The following CFAP91 variants were observed in gnomAD, a reference collection of about 807,000 sequenced individuals.
The protein encoded by CFAP91 is cilia- and flagella-associated protein 91.
Under a neutral mutation model 95.9 loss-of-function variants are expected in CFAP91, and 85 were observed. That is an observed-to-expected ratio of 0.89 (90% CI 0.74 to 1.06). The LOEUF is 1.06. Among genes scored for constraint, CFAP91 ranks in the 50% least tolerant of loss-of-function variants. The probability of loss-of-function intolerance (pLI) is 0.00; values close to 1 mark genes in which losing one functional copy is unlikely to be tolerated. For missense variants in CFAP91, 962 were observed against 943.4 expected (o/e 1.02, Z -0.26); for synonymous variants, 335 against 327.5 (o/e 1.02, Z -0.25).
intron 16 of CFAP91, chr3:119,750,499 T>C (rs1334217709): frequency 5.8e-6 from 1 of 173,454 alleles, no homozygotes; most frequent in African/African-American, 2.4e-5. Flanking sequence ...GAACTAAGGC[T>C]CAAAGAGAAG....
chr3:119,709,773 G>A (rs2053440594), intron 4 of CFAP91, 66 bp from the exon 5 acceptor site: 1 of 1,130,772 alleles, frequency 8.8e-7, no homozygotes, highest in African/African-American at 1.5e-5. Flanking sequence ...TATTAGAGCT[G>A]GAAGAGAGCT....
chr3:119,729,915 A>G (rs2053861808), intron 7 of CFAP91, among the ~76,000 whole-genome samples: 1 of 152,198 alleles, frequency 6.6e-6, no homozygotes, highest in Non-Finnish European at 1.5e-5. Context: ...GGCACTGTGC[A>G]CAAACCTCTT....
At chr3:119,706,956 A>T in intron 2 of CFAP91, 71 bp downstream of exon 2, 1 of 1,158,296 alleles carries the variant, frequency 8.6e-7, no homozygotes, top group Non-Finnish European at 1.3e-6. Flanking sequence ...TGCATTGATC[A>T]GATTGACTAA....
intron 10 of CFAP91, 46 bp downstream of exon 10, chr3:119,733,552 G>T (rs771057780): frequency 6.3e-7 from 1 of 1,586,362 alleles, no homozygotes; most frequent in Non-Finnish European, 8.6e-7. Context: ...TATGATTTTT[G>T]CAGATAAATG....
intron 6 of CFAP91, among the ~76,000 whole-genome samples, chr3:119,723,941 C>A (rs2053731729): frequency 6.6e-6 from 1 of 151,630 alleles, no homozygotes; most frequent in South Asian, 2.1e-4. Context: ...TAGCAGATCA[C>A]CTGAGGTCAG....
chr3:119,766,716 C>T lies in CFAP91; in HGVS notation c.*1666C>T, dbSNP rs2107931721. The T allele has an allele frequency of 6.6e-6, 1 of 152,142 alleles. No individual in the cohort carries two copies. Among genetic ancestry groups the T allele is most frequent in the South Asian group, 2.1e-4 (1 of 4,804 alleles). 9.4% of individuals were successfully genotyped at this position (152,142 alleles called of 1,614,324 possible). A position where few individuals can be genotyped will look rare whatever the true frequency, so the allele number is the denominator to read the frequency against. On this transcript the variant is annotated 3_prime_UTR_variant, in exon 18 of 18. Transcript: ENST00000273390. ...CTGCCGTTGTAGGGTAAGAGCAGCA[C>T]TCGATGACACAGAAATGAATGCACA...
In CFAP91 at chr3:119,726,375, G is replaced by C. The variant is rs753451220; in HGVS notation, c.860+27G>C. On this transcript the variant is annotated intron_variant, in intron 7 of 17. Transcript: ENST00000273390. ...TAGGTTCTCTATCACCCAGACAACT[G>C]TTCCTGCACTGGTGGGAATAATGTT... 4 of 1,584,270 alleles carry C rather than the reference G, an allele frequency of 2.5e-6. No homozygotes were observed. The South Asian group carries it at 3.5e-5, about 14-fold the overall frequency.
chr3:119,732,707 G>A (rs2053926384), intron 9 of CFAP91, among the ~76,000 whole-genome samples: 1 of 152,184 alleles, frequency 6.6e-6, no homozygotes, highest in African/African-American at 2.4e-5. Context: ...TTAAAAAAAT[G>A]TTTAATGTCA....
intron 14 of CFAP91, among the ~76,000 whole-genome samples, chr3:119,744,408 G>T (rs1351336070): frequency 6.6e-6 from 1 of 152,124 alleles, no homozygotes; most frequent in Non-Finnish European, 1.5e-5. Flanking sequence ...CACATAATAC[G>T]CACGTGTATA....
intron 17 of CFAP91, among the ~76,000 whole-genome samples, chr3:119,759,732 A>G (rs1267636327): frequency 2.0e-5 from 3 of 151,996 alleles, no homozygotes; most frequent in Non-Finnish European, 4.4e-5. Context: ...AATTGAAAAC[A>G]CACGTGTTGA....
At chr3:119,727,144 C>T (rs1245105285) in intron 7 of CFAP91, among the ~76,000 whole-genome samples, 1 of 152,228 alleles carries the variant, frequency 6.6e-6, no homozygotes, top group Non-Finnish European at 1.5e-5. Flanking sequence ...TGTGCTGACG[C>T]ACTTTATTGC....
intron 11 of CFAP91, among the ~76,000 whole-genome samples, chr3:119,738,332 C>CTT (rs556125660): frequency 0.032 from 736 of 23,064 alleles, 285 homozygotes; most frequent in Non-Finnish European, 0.056. Flanking sequence ...GACATATTGT[C>CTT]TTTTTTTTTT....
At chr3:119,714,515 A>C (rs543051430) in intron 5 of CFAP91, among the ~76,000 whole-genome samples, 10 of 152,310 alleles carry the variant, frequency 6.6e-5, no homozygotes, top group African/African-American at 2.4e-4. Context: ...TCAGTCTTTT[A>C]AATCTTTGCT....
chr3:119,738,658 A>G (rs958325890), intron 11 of CFAP91, among the ~76,000 whole-genome samples: 2 of 151,968 alleles, frequency 1.3e-5, no homozygotes, highest in South Asian at 2.1e-4. Flanking sequence ...CTGACAACAC[A>G]TCGTCTTTCA....
intron 9 of CFAP91, among the ~76,000 whole-genome samples, chr3:119,732,682 A>G (rs755378409): frequency 6.6e-6 from 1 of 152,268 alleles, no homozygotes; most frequent in Non-Finnish European, 1.5e-5. Flanking sequence ...ACCAAATTCA[A>G]TTAGCTAGTA....
At chr3:119,703,945 T>TG (rs1284155117) in intron 1 of CFAP91, among the ~76,000 whole-genome samples, 1 of 152,068 alleles carries the variant, frequency 6.6e-6, no homozygotes, top group Non-Finnish European at 1.5e-5. Context: ...AAGCATGATT[T>TG]TTTCCAATTT....
intron 11 of CFAP91, among the ~76,000 whole-genome samples, chr3:119,738,408 G>A (rs1436071382): frequency 8.0e-6 from 1 of 125,060 alleles, no homozygotes; most frequent in Non-Finnish European, 1.6e-5. Context: ...AAGTGCAGTG[G>A]TGCAACCTTG....
chr3:119,746,909 T>C (rs1436893738), intron 14 of CFAP91, among the ~76,000 whole-genome samples: 1 of 152,164 alleles, frequency 6.6e-6, no homozygotes, highest in Non-Finnish European at 1.5e-5. Flanking sequence ...ATGGGCTAAA[T>C]GGGTGTGGGC....
At chr3:119,711,286 G>A (rs1320656948) in intron 5 of CFAP91, among the ~76,000 whole-genome samples, 2 of 152,134 alleles carry the variant, frequency 1.3e-5, no homozygotes, top group Admixed American at 1.3e-4. Context: ...ACTTCTTGGG[G>A]TACCAGTTTA....
Sources: gnomAD v4.1 joint callset for allele counts (sites outside exome capture counted in the v4.1 genomes callset) on GRCh38, gnomAD v4.1.1 for gene constraint, MANE v1.5 for transcripts, NCBI Gene and HGNC (gene_info 2026-07-23, HGNC 2026-07-21) for gene names.